Variants in MEIS2 observed in about 807,000 individuals in gnomAD.
MEIS2 encodes Meis homeobox 2.
Under a neutral mutation model 58.6 loss-of-function variants are expected in MEIS2, and 9 were observed. The observed-to-expected ratio is 0.15, with a 90% confidence interval of 0.09 to 0.27. MEIS2 has a LOEUF of 0.27. MEIS2 is among the 10% of genes least tolerant of loss of function. The probability of loss-of-function intolerance (pLI) is 1.00; values close to 1 mark genes in which losing one functional copy is unlikely to be tolerated. For missense variants in MEIS2, 427 were observed against 635.0 expected, an observed-to-expected ratio of 0.67 and a Z score of 3.52; for synonymous variants, 221 against 228.4, an observed-to-expected ratio of 0.97 and a Z score of 0.29.
intron 7 of MEIS2, among the ~76,000 whole-genome samples, chr15:37,080,197 T>C (rs1323557092): frequency 6.6e-6 from 1 of 152,164 alleles, no homozygotes; most frequent in Non-Finnish European, 1.5e-5. Context: ...ATCTTTACTC[T>C]ACCCTTTTTA....
At chr15:36,949,891 C>A (rs560093116) in intron 9 of MEIS2, among the ~76,000 whole-genome samples, 1 of 151,956 alleles carries the variant, frequency 6.6e-6, no homozygotes, top group East Asian at 1.9e-4. Flanking sequence ...TACTAAAAAG[C>A]CTGTATCTAC....
intron 8 of MEIS2, among the ~76,000 whole-genome samples, chr15:36,999,083 T>C (rs560157868): frequency 6.6e-6 from 1 of 152,224 alleles, no homozygotes; most frequent in Non-Finnish European, 1.5e-5. Context: ...TAATTGCGTA[T>C]AACTGGCCTG....
At chr15:36,989,187 T>G (rs568036397) in intron 8 of MEIS2, among the ~76,000 whole-genome samples, 1 of 152,300 alleles carries the variant, frequency 6.6e-6, no homozygotes, top group East Asian at 1.9e-4. Flanking sequence ...TCATGTTCTT[T>G]GAGAGTTAAC....
chr15:36,894,271 A>G (rs923317660), intron 11 of MEIS2: 20 of 156,888 alleles, frequency 1.3e-4, no homozygotes, highest in Middle Eastern at 6.8e-3. Context: ...ATCTTTGCAT[A>G]TAAGATAATT....
Position 37,036,934 on chromosome 15 carries a change from A to C in MEIS2, c.780T>G (p.Ala260=), listed in dbSNP as rs747805966. The change falls in exon 8 of 12, where the codon GCT becomes GCG. Residue 260 remains alanine (A), a synonymous_variant. Coordinates refer to ENST00000561208, the MANE Select transcript of MEIS2 (RefSeq NM_170675.5). ...EQGDGLDNSV[A]SPGTGDDDDP... is the part of the protein sequence containing the mutation. ...CATCATCGTCACCTGTACCAGGTGA[A>C]GCTACACTGTTGTCTAAACCATCCC... The C allele has an allele frequency of 1.2e-6, 2 of 1,612,958 alleles. No individual in the cohort carries two copies. The highest frequency in any genetic ancestry group is 1.7e-5 in the Admixed American group (1 of 59,792).
chr15:37,027,669 GGTGCTAAACTTT>G (rs1166397123), intron 8 of MEIS2, among the ~76,000 whole-genome samples: 8 of 151,910 alleles, frequency 5.3e-5, no homozygotes, highest in Middle Eastern at 3.4e-3. Context: ...TATGAAATTG[GGTGCTAAACTTT>G]GAGCTAATAA....
chr15:36,953,213 T>G (rs2058826072), intron 8 of MEIS2, among the ~76,000 whole-genome samples: 1 of 152,172 alleles, frequency 6.6e-6, no homozygotes, highest in African/African-American at 2.4e-5. Flanking sequence ...TATGTATACA[T>G]TTAAGGCCAA....
intron 9 of MEIS2, among the ~76,000 whole-genome samples, chr15:36,909,866 G>T (rs2056921190): frequency 6.7e-6 from 1 of 150,186 alleles, no homozygotes; most frequent in Non-Finnish European, 1.5e-5. Context: ...GGGGGTGGGG[G>T]GTGTTAGGAG....
chr15:37,093,802 G>A, intron 5 of MEIS2, 72 bp from the exon 6 acceptor site: 2 of 1,590,264 alleles, frequency 1.3e-6, no homozygotes, highest in South Asian at 1.1e-5. Flanking sequence ...TTTTTAGAAA[G>A]GAAAAATACC....
At chr15:37,054,940 TACTC>T (rs2063075663) in intron 7 of MEIS2, among the ~76,000 whole-genome samples, 1 of 152,232 alleles carries the variant, frequency 6.6e-6, no homozygotes, top group Non-Finnish European at 1.5e-5. Context: ...ATTGAGCACT[TACTC>T]TCTTCCAGAC....
At chr15:37,056,783 C>T (rs1361455488) in intron 7 of MEIS2, among the ~76,000 whole-genome samples, 4 of 152,322 alleles carry the variant, frequency 2.6e-5, no homozygotes, top group African/African-American at 7.2e-5. Flanking sequence ...AGTGTGTCTT[C>T]AACAGGCGGG....
intron 8 of MEIS2, among the ~76,000 whole-genome samples, chr15:37,012,908 C>T (rs1222182111): frequency 6.6e-6 from 1 of 151,936 alleles, no homozygotes; most frequent in East Asian, 1.9e-4. Flanking sequence ...ATTTGTCTAC[C>T]AATGTTTACC....
At chr15:37,055,898 T>C (rs1273750639) in intron 7 of MEIS2, among the ~76,000 whole-genome samples, 2 of 152,190 alleles carry the variant, frequency 1.3e-5, no homozygotes, top group Non-Finnish European at 2.9e-5. Flanking sequence ...TTGCTAGCCT[T>C]TCCATACTCC....
chr15:36,900,511 C>T (rs2056413754), intron 9 of MEIS2, among the ~76,000 whole-genome samples: 1 of 152,166 alleles, frequency 6.6e-6, no homozygotes. Flanking sequence ...TATACTAAGA[C>T]TGTTAGTTTA....
At chr15:36,963,985 T>C (rs977000465) in intron 8 of MEIS2, among the ~76,000 whole-genome samples, 13 of 152,228 alleles carry the variant, frequency 8.5e-5, no homozygotes, top group Non-Finnish European at 1.5e-4. Context: ...ATTGTAAGCA[T>C]AAAACCTGTC....
chr15:36,927,644 T>C (rs765903416), intron 9 of MEIS2, among the ~76,000 whole-genome samples: 6 of 152,160 alleles, frequency 3.9e-5, no homozygotes, highest in Non-Finnish European at 7.3e-5. Context: ...TTAAGAAATA[T>C]GACAGTCGGA....
chr15:36,892,043 A>G lies in MEIS2; in HGVS notation c.*130T>C, dbSNP rs2055885960. 3 of 1,033,942 alleles carry G rather than the reference A, an allele frequency of 2.9e-6. No individual in the cohort carries two copies. Among genetic ancestry groups the G allele is most frequent in the Non-Finnish European group, 4.3e-6 (3 of 690,970 alleles). The allele number at this position is 1,033,942 out of a possible 1,614,324, so 64.0% of individuals were successfully genotyped here. A position where few individuals can be genotyped will look rare whatever the true frequency, so the allele number is the denominator to read the frequency against. On this transcript the variant is annotated 3_prime_UTR_variant, in exon 12 of 12. Transcript: ENST00000561208. ...TGCATTGGTCCTCTGTTGCTTGATG[A>G]AAAATGACAAAAGTAAAAAATAATC... is the stretch of plus-strand genomic sequence containing the variant.
At chr15:37,017,008 G>C (rs1275678003) in intron 8 of MEIS2, among the ~76,000 whole-genome samples, 1 of 152,202 alleles carries the variant, frequency 6.6e-6, no homozygotes, top group Non-Finnish European at 1.5e-5. Flanking sequence ...CACATCTGCT[G>C]TGAAGTATTT....
chr15:37,015,806 G>A (rs944867933), intron 8 of MEIS2, among the ~76,000 whole-genome samples: 1 of 152,076 alleles, frequency 6.6e-6, no homozygotes, highest in Non-Finnish European at 1.5e-5. Context: ...GCAGCTTCAC[G>A]AGGCTCTAGA....
Sources: gnomAD v4.1 joint callset for allele counts (sites outside exome capture counted in the v4.1 genomes callset) on GRCh38, gnomAD v4.1.1 for gene constraint, MANE v1.5 for transcripts, NCBI Gene and HGNC (gene_info 2026-07-23, HGNC 2026-07-21) for gene names.